Variants in PCDH7 observed in about 807,000 individuals in gnomAD.
PCDH7 encodes the protein protocadherin-7.
PCDH7 carries 17 observed loss-of-function variants against 58.9 expected under a neutral mutation model. The observed-to-expected ratio is 0.29, with a 90% CI of 0.20 to 0.43. The LOEUF (loss-of-function observed/expected upper bound fraction) is 0.43, where lower values mean the gene tolerates loss of function less well. Among genes scored for constraint, PCDH7 ranks in the 20% least tolerant of loss-of-function variants. The pLI is 1.00. For synonymous variants in PCDH7, 664 were observed against 616.4 expected (o/e 1.08, Z -1.14); for missense variants, 1,274 against 1,441.0 (o/e 0.88, Z 1.88).
downstream of PCDH7, chr4:31,145,203 T>C (rs1257785505): frequency 6.6e-6 from 1 of 152,042 alleles, no homozygotes; most frequent in African/African-American, 2.4e-5. Flanking sequence ...TCCCCAATGA[T>C]GTTTGCACCC....
intron 2 of PCDH7, among the ~76,000 whole-genome samples, chr4:30,940,386 T>A (rs556431346): frequency 2.0e-5 from 3 of 152,172 alleles, no homozygotes; most frequent in Non-Finnish European, 2.9e-5. Flanking sequence ...TAAACTTCCA[T>A]TGATTGATAT....
Position 30,932,252 on chromosome 4 carries a change from C to T in PCDH7, c.287+11883C>T, listed in dbSNP as rs572872494. On this transcript the variant is annotated intron_variant, in intron 2 of 3. Transcript: ENST00000509759. ...CTAATTCCAGTCCATTTGATGTTTG[C>T]ATAGCACCACAGAAATGTCACGTCA... Among the ~76,000 whole-genome samples, 5 of 152,278 alleles carry T rather than the reference C, an allele frequency of 3.3e-5. No homozygotes were observed. In the East Asian group the frequency reaches 7.7e-4, roughly 24 times the overall value.
intron 3 of PCDH7, among the ~76,000 whole-genome samples, chr4:31,074,675 T>C (rs1326392615): frequency 1.4e-5 from 2 of 147,824 alleles, no homozygotes; most frequent in Non-Finnish European, 3.0e-5. Flanking sequence ...TCCCAGCCAC[T>C]CAGGAGGCTA....
At chr4:30,757,402 C>G (rs1397390399) in intron 1 of PCDH7, among the ~76,000 whole-genome samples, 3 of 152,168 alleles carry the variant, frequency 2.0e-5, no homozygotes, top group African/African-American at 7.2e-5. Flanking sequence ...GCAGAAAGGC[C>G]CTTAGCAAAT....
chr4:30,966,895 G>T (rs56829853), intron 3 of PCDH7, among the ~76,000 whole-genome samples: 28,640 of 151,968 alleles, frequency 0.19, 3,396 homozygotes, highest in South Asian at 0.26. Context: ...AATGGAAACT[G>T]AGAGTCTCCA....
intron 2 of PCDH7, among the ~76,000 whole-genome samples, chr4:30,923,688 T>G (rs2109418317): frequency 6.6e-6 from 1 of 152,264 alleles, no homozygotes; most frequent in African/African-American, 2.4e-5. Context: ...TTACCCCATT[T>G]AAAAAATATT....
At chr4:31,015,411 A>C (rs965391850) in intron 3 of PCDH7, among the ~76,000 whole-genome samples, 1 of 152,216 alleles carries the variant, frequency 6.6e-6, no homozygotes, top group Non-Finnish European at 1.5e-5. Context: ...TGACATAATA[A>C]GTAAGATATG....
chr4:30,824,139 CT>C (rs1560407973), intron 1 of PCDH7, among the ~76,000 whole-genome samples: 25 of 138,246 alleles, frequency 1.8e-4, no homozygotes, highest in African/African-American at 6.8e-4. Context: ...TTCTTTCTTT[CT>C]TTCTTTCTTT....
At chr4:30,888,039 C>T (rs968600188) in intron 1 of PCDH7, among the ~76,000 whole-genome samples, 1 of 151,978 alleles carries the variant, frequency 6.6e-6, no homozygotes, top group African/African-American at 2.4e-5. Flanking sequence ...CCAAGCCCGA[C>T]TAATTTTTGT....
At chr4:31,096,737 A>G (rs1714039135) in intron 3 of PCDH7, among the ~76,000 whole-genome samples, 3 of 152,148 alleles carry the variant, frequency 2.0e-5, no homozygotes, top group Admixed American at 2.0e-4. Context: ...TTTGCTTCCA[A>G]CCTTAGACAA....
At chr4:30,754,295 A>G (rs1394501850) in intron 1 of PCDH7, among the ~76,000 whole-genome samples, 2 of 152,274 alleles carry the variant, frequency 1.3e-5, no homozygotes, top group South Asian at 2.1e-4. Context: ...CAGACAATAT[A>G]CAGATAATTC....
chr4:30,972,330 T>G (rs569249152), intron 3 of PCDH7, among the ~76,000 whole-genome samples: 1 of 152,300 alleles, frequency 6.6e-6, no homozygotes, highest in African/African-American at 2.4e-5. Context: ...ATTTTAAAAC[T>G]TTGATTTTTG....
chr4:30,759,436 G>A (rs1198836702), intron 1 of PCDH7, among the ~76,000 whole-genome samples: 1 of 152,140 alleles, frequency 6.6e-6, no homozygotes, highest in Non-Finnish European at 1.5e-5. Context: ...AGGAAATTCT[G>A]GGAGTAAAGG....
intron 3 of PCDH7, among the ~76,000 whole-genome samples, chr4:31,013,334 A>G (rs1298668635): frequency 7.2e-6 from 1 of 139,146 alleles, no homozygotes; most frequent in South Asian, 2.7e-4. Context: ...ACATACACAC[A>G]TACTATATAT....
intron 1 of PCDH7, among the ~76,000 whole-genome samples, chr4:30,837,536 A>G (rs543803430): frequency 2.0e-5 from 3 of 152,202 alleles, no homozygotes; most frequent in African/African-American, 7.2e-5. Context: ...AGGAAATTAA[A>G]AACAAAATAG....
At chr4:30,968,091 T>A (rs916823681) in intron 3 of PCDH7, among the ~76,000 whole-genome samples, 1 of 151,716 alleles carries the variant, frequency 6.6e-6, no homozygotes, top group Non-Finnish European at 1.5e-5. Flanking sequence ...AAAAACTAGG[T>A]CATAAACACA....
chr4:30,795,535 T>C (rs139014169), intron 1 of PCDH7, among the ~76,000 whole-genome samples: 1 of 152,326 alleles, frequency 6.6e-6, no homozygotes, highest in Non-Finnish European at 1.5e-5. Context: ...GAACATTGCC[T>C]GGCATACAGT....
At chr4:30,924,302 G>T (rs1484719979) in intron 2 of PCDH7, among the ~76,000 whole-genome samples, 1 of 152,056 alleles carries the variant, frequency 6.6e-6, no homozygotes, top group Non-Finnish European at 1.5e-5. Context: ...ATCAGCATTG[G>T]GTAGGCTACT....
chr4:31,018,007 C>T (rs1753753461), intron 3 of PCDH7, among the ~76,000 whole-genome samples: 1 of 152,096 alleles, frequency 6.6e-6, no homozygotes, highest in South Asian at 2.1e-4. Context: ...ATAAATTAGA[C>T]AGTTTTAATA....
Sources: allele counts gnomAD v4.1 joint callset (sites outside exome capture counted in the v4.1 genomes callset), GRCh38; gene constraint gnomAD v4.1.1; transcripts MANE v1.5; gene names NCBI Gene and HGNC (gene_info 2026-07-23, HGNC 2026-07-21).